The following DUSP22 variants were observed in gnomAD, a reference collection of about 807,000 sequenced individuals.
DUSP22 encodes the protein dual specificity protein phosphatase 22.
A neutral mutation model predicts 24.5 loss-of-function variants in DUSP22; 24 were observed. That is an observed-to-expected ratio of 0.98 (90% CI 0.71 to 1.38). The LOEUF (loss-of-function observed/expected upper bound fraction) is 1.38, where lower values mean the gene tolerates loss of function less well. Ranked by LOEUF, DUSP22 falls within the 40% of genes most tolerant of loss-of-function variation. The pLI, the probability that DUSP22 is intolerant of heterozygous loss-of-function variation, is 0.00. For synonymous variants in DUSP22, 160 were observed against 106.4 expected (o/e 1.50, Z -3.10); for missense variants, 330 against 269.2 (o/e 1.23, Z -1.58).
intron 1 of DUSP22, among the ~76,000 whole-genome samples, chr6:298,137 C>T (rs1757425722): frequency 6.6e-6 from 1 of 152,308 alleles, no homozygotes; most frequent in African/African-American, 2.4e-5. Context: ...TCTCTTTTCT[C>T]CATTTAATAT....
chr6:348,934 T>C lies in DUSP22; in HGVS notation c.601T>C (p.Tyr201His). The stretch of plus-strand genomic sequence containing the variant: ...ACTGGCTCCGCTGACCTACGATAAT[T>C]ATACGACGGAGACCTAACGCAAGCG... ...PALAPLTYDNYTTET is the reference protein window; with the variant it reads ...PALAPLTYDNHTTET The change falls in exon 7 of 7, where the codon TAT (tyrosine) becomes CAT (histidine). Residue 201 changes from tyrosine to histidine, a missense_variant. Coordinates refer to ENST00000419235, the MANE Select transcript of DUSP22 (RefSeq NM_001286555.3). 2 of 1,605,720 alleles carry C rather than the reference T, an allele frequency of 1.2e-6. No homozygotes were observed. The highest frequency in any genetic ancestry group is 1.7e-6 in the Non-Finnish European group (2 of 1,175,486).
chr6:295,152 T>C (rs1757266023), intron 1 of DUSP22, among the ~76,000 whole-genome samples: 1 of 152,292 alleles, frequency 6.6e-6, no homozygotes, highest in Admixed American at 6.5e-5. Context: ...TCTAAGAACA[T>C]TTATAAATAT....
At chr6:339,606 C>T (rs1361960484) in intron 4 of DUSP22, among the ~76,000 whole-genome samples, 4 of 152,286 alleles carry the variant, frequency 2.6e-5, no homozygotes, top group East Asian at 1.9e-4. Context: ...GCTATGGAGT[C>T]GGTATACATC....
chr6:315,693 T>G (rs1758310078), intron 3 of DUSP22, among the ~76,000 whole-genome samples: 1 of 152,310 alleles, frequency 6.6e-6, no homozygotes, highest in South Asian at 2.1e-4. Flanking sequence ...TGTTATTTGC[T>G]GCAAATACCC....
intron 3 of DUSP22, among the ~76,000 whole-genome samples, chr6:317,275 C>A (rs1201288109): frequency 6.6e-6 from 1 of 152,306 alleles, no homozygotes; most frequent in African/African-American, 2.4e-5. Flanking sequence ...GGGCCTGAGG[C>A]CGAGGTCTCC....
At chr6:303,801 C>T (rs1156976845) in intron 1 of DUSP22, among the ~76,000 whole-genome samples, 3 of 152,294 alleles carry the variant, frequency 2.0e-5, no homozygotes, top group African/African-American at 2.4e-5. Flanking sequence ...TGAAAGAAGC[C>T]ACCCCAATTT....
rs935623217 is a variant in DUSP22 at position 350,924 on chromosome 6, A to G, written c.*1973A>G. On this transcript the variant is annotated 3_prime_UTR_variant, in exon 7 of 7. Transcript: ENST00000419235. ...CCACAGAGTTTAGGCTGGTGCTGCC[A>G]AAAAGAAAAGCAACATAGAGTTTAA... 4.1e-4 allele frequency: 652 copies of G among 1,608,260 alleles called. No individual in the cohort carries two copies. Among genetic ancestry groups the G allele is most frequent in the Non-Finnish European group, 5.4e-4 (631 of 1,175,856 alleles).
chr6:299,004 T>C (rs898843684), intron 1 of DUSP22, among the ~76,000 whole-genome samples: 22 of 152,302 alleles, frequency 1.4e-4, no homozygotes, highest in African/African-American at 4.6e-4. Context: ...TCCCTGGAAA[T>C]GGTCATCTTG....
intron 6 of DUSP22, 190 bp downstream of exon 6, chr6:348,464 G>A: frequency 9.9e-7 from 1 of 1,014,330 alleles, no homozygotes; most frequent in Admixed American, 2.9e-5. Flanking sequence ...TGAAGCCACA[G>A]GCGCCTACCC....
At chr6:321,382 G>A (rs1257544163) in intron 3 of DUSP22, among the ~76,000 whole-genome samples, 1 of 152,308 alleles carries the variant, frequency 6.6e-6, no homozygotes, top group Non-Finnish European at 1.5e-5. Flanking sequence ...AAAGCCAGGT[G>A]ACACATTCCG....
chr6:313,342 A>G (rs1408854734), intron 3 of DUSP22, among the ~76,000 whole-genome samples: 1 of 152,304 alleles, frequency 6.6e-6, no homozygotes, highest in Non-Finnish European at 1.5e-5. Context: ...CTCACATTGT[A>G]ACTTCTGTGT....
At chr6:298,083 G>A (rs372130330) in intron 1 of DUSP22, among the ~76,000 whole-genome samples, 424 of 152,244 alleles carry the variant, frequency 2.8e-3, no homozygotes, top group African/African-American at 9.2e-3. Flanking sequence ...GCCACATGCC[G>A]GTGGGCTCTG....
In DUSP22 at chr6:348,988, C is replaced by G. The variant is rs1275082741; in HGVS notation, c.*37C>G. 1.3e-6 allele frequency: 2 copies of G among 1,554,282 alleles called. No homozygotes were observed. Among genetic ancestry groups the G allele is most frequent in the East Asian group, 2.4e-5 (1 of 41,072 alleles). On this transcript the variant is annotated 3_prime_UTR_variant, in exon 7 of 7. Transcript: ENST00000419235. Reference sequence around the variant, plus strand: ...TGCTGCCTTCCTTCCCACTGCTTGTCTTCAGTGTGCCCGGCTGGGCAGGGG... The same window carrying G: ...TGCTGCCTTCCTTCCCACTGCTTGTGTTCAGTGTGCCCGGCTGGGCAGGGG...
intron 4 of DUSP22, among the ~76,000 whole-genome samples, chr6:345,500 G>A (rs566593843): frequency 3.1e-4 from 47 of 152,394 alleles, no homozygotes; most frequent in Admixed American, 7.8e-4. Context: ...GTGAGCCACC[G>A]CACCCAGCCA....
At chr6:312,454 T>C (rs113931935) in intron 3 of DUSP22, among the ~76,000 whole-genome samples, 3 of 151,698 alleles carry the variant, frequency 2.0e-5, no homozygotes, top group African/African-American at 7.3e-5. Flanking sequence ...TAGAAGCTGT[T>C]GTGTTTTAGG....
chr6:346,822 G>A (rs1486482544), intron 5 of DUSP22, among the ~76,000 whole-genome samples: 1 of 152,292 alleles, frequency 6.6e-6, no homozygotes, highest in Non-Finnish European at 1.5e-5. Flanking sequence ...TGAGGTTGGT[G>A]GCAGCCCTGC....
At chr6:346,492 G>C (rs537526423) in intron 5 of DUSP22, among the ~76,000 whole-genome samples, 4 of 152,268 alleles carry the variant, frequency 2.6e-5, no homozygotes, top group Admixed American at 6.5e-5. Context: ...CGCTTAACCC[G>C]AGGATGATGC....
rs1018081342 is a variant in DUSP22, at chr6:342,167, T to C, written c.189-3687T>C. Among the ~76,000 whole-genome samples the C allele has an allele frequency of 5.9e-5, 9 of 152,426 alleles. No individual in the cohort carries two copies. In the East Asian group the frequency reaches 1.5e-3, roughly 26 times the overall value. On this transcript the variant is annotated intron_variant, in intron 4 of 6. Coordinates refer to ENST00000419235, the MANE Select transcript of DUSP22 (RefSeq NM_001286555.3). ...GGGCAGCTGCTAACTTTCATGTTGC[T>C]GTGTGGTCTTTGCAGTGTGTTCTGA...
At chr6:335,007 CTTTTTATT>C (rs1208627194) in intron 3 of DUSP22, 99 bp from the exon 4 acceptor site, 32 of 1,317,780 alleles carry the variant, frequency 2.4e-5, no homozygotes, top group Middle Eastern at 2.6e-4. Context: ...AAAACTTCTC[CTTTTTATT>C]TTTTTATTTT....
Sources: allele counts gnomAD v4.1 joint callset (sites outside exome capture counted in the v4.1 genomes callset), GRCh38; gene constraint gnomAD v4.1.1; transcripts MANE v1.5; gene names NCBI Gene and HGNC (gene_info 2026-07-23, HGNC 2026-07-21).